The following ACYP2 variants were observed in gnomAD, a reference collection of about 807,000 sequenced individuals.
The protein encoded by ACYP2 is acylphosphatase 2.
A neutral mutation model predicts 11.2 loss-of-function variants in ACYP2; 12 were observed. The observed-to-expected ratio is 1.08, with a 90% CI of 0.69 to 1.74. The LOEUF (loss-of-function observed/expected upper bound fraction) is 1.74, where lower values mean the gene tolerates loss of function less well. ACYP2 is among the 40% of genes most tolerant of loss of function. The pLI is 0.00. For missense variants in ACYP2, 134 were observed against 101.9 expected, an observed-to-expected ratio of 1.31 and a Z score of -1.35; for synonymous variants, 43 against 32.2, an observed-to-expected ratio of 1.33 and a Z score of -1.13.
intron 4 of ACYP2, among the ~76,000 whole-genome samples, chr2:54,063,573 C>T (rs1572675398): frequency 1.3e-5 from 2 of 152,304 alleles, no homozygotes; most frequent in Non-Finnish European, 2.9e-5. Flanking sequence ...ACTCCCCTTT[C>T]CAGCCAGACT....
At chr2:54,055,656 A>T (rs775906711) in intron 3 of ACYP2, among the ~76,000 whole-genome samples, 1 of 152,180 alleles carries the variant, frequency 6.6e-6, no homozygotes, top group Non-Finnish European at 1.5e-5. Context: ...CCTAAATCTA[A>T]CTCTAAAACC....
At chr2:54,079,195 C>T (rs550991551) in intron 4 of ACYP2, among the ~76,000 whole-genome samples, 1 of 152,294 alleles carries the variant, frequency 6.6e-6, no homozygotes, top group Admixed American at 6.5e-5. Flanking sequence ...CATAGAATAT[C>T]TAAGGTGTGC....
At chr2:54,126,786 A>G (rs957271549) in intron 4 of ACYP2, among the ~76,000 whole-genome samples, 4 of 137,354 alleles carry the variant, frequency 2.9e-5, no homozygotes, top group Admixed American at 2.7e-4. Context: ...TGTCTCTACT[A>G]AAAAATGCAA....
chr2:54,154,753 G>T (rs531682209), intron 6 of ACYP2, among the ~76,000 whole-genome samples: 4 of 152,106 alleles, frequency 2.6e-5, no homozygotes, highest in African/African-American at 4.8e-5. Context: ...TAATGTTCTT[G>T]TCTGGCTTTG....
At chr2:54,245,554 T>C (rs1272381851) in intron 6 of ACYP2, among the ~76,000 whole-genome samples, 1 of 152,202 alleles carries the variant, frequency 6.6e-6, no homozygotes, top group South Asian at 2.1e-4. Context: ...ATAATAGCTA[T>C]CCTAACTGGG....
intron 1 of ACYP2, among the ~76,000 whole-genome samples, chr2:53,971,765 T>G (rs1412776667): frequency 2.0e-5 from 3 of 152,218 alleles, no homozygotes; most frequent in Non-Finnish European, 4.4e-5. Flanking sequence ...GATACTTAAT[T>G]TAAGCTATGA....
At chr2:54,269,693 C>T (rs927111601) in intron 6 of ACYP2, among the ~76,000 whole-genome samples, 1 of 152,098 alleles carries the variant, frequency 6.6e-6, no homozygotes, top group Non-Finnish European at 1.5e-5. Context: ...CTTTTTTGCT[C>T]TCATCTCTAT....
intron 6 of ACYP2, among the ~76,000 whole-genome samples, chr2:54,181,842 C>T (rs1024241250): frequency 2.6e-5 from 4 of 151,860 alleles, no homozygotes; most frequent in Non-Finnish European, 5.9e-5. Context: ...GAATTTTTAC[C>T]CCACTGCTAT....
chr2:54,128,523 C>T (rs72906786), intron 4 of ACYP2, among the ~76,000 whole-genome samples: 12,552 of 152,042 alleles, frequency 0.083, 623 homozygotes, highest in African/African-American at 0.14. Flanking sequence ...TAAAACTATC[C>T]AGACGTGGTG....
At chr2:54,078,600 T>G (rs1677474274) in intron 4 of ACYP2, among the ~76,000 whole-genome samples, 1 of 134,804 alleles carries the variant, frequency 7.4e-6, no homozygotes, top group African/African-American at 2.6e-5. Context: ...GACATCTCAA[T>G]AAGCTTTTTT....
At chr2:54,142,025 TG>T in intron 6 of ACYP2, 1 of 341,700 alleles carries the variant, frequency 2.9e-6, no homozygotes, top group Non-Finnish European at 5.0e-6. Context: ...ATTTTGTTGT[TG>T]TTGTTGTTGT....
At chr2:54,092,157 A>C (rs1390077506) in intron 4 of ACYP2, among the ~76,000 whole-genome samples, 1 of 152,174 alleles carries the variant, frequency 6.6e-6, no homozygotes. Context: ...GGAAGGGAAA[A>C]AAATGTCAGT....
intron 6 of ACYP2, among the ~76,000 whole-genome samples, chr2:54,229,298 C>A (rs1686135392): frequency 3.3e-5 from 5 of 152,090 alleles, no homozygotes; most frequent in Admixed American, 2.6e-4. Flanking sequence ...TTAACAGCAC[C>A]CTTTCACATA....
At chr2:54,122,680 A>T (rs972615611) in intron 4 of ACYP2, among the ~76,000 whole-genome samples, 3 of 152,178 alleles carry the variant, frequency 2.0e-5, no homozygotes, top group African/African-American at 7.2e-5. Flanking sequence ...TCATACTAGG[A>T]ATCAGGACTC....
chr2:54,295,669 A>T (rs1689493878), intron 6 of ACYP2, among the ~76,000 whole-genome samples: 1 of 152,152 alleles, frequency 6.6e-6, no homozygotes, highest in Admixed American at 6.5e-5. Context: ...CTATGATTGT[A>T]CATATTTATG....
intron 6 of ACYP2, among the ~76,000 whole-genome samples, chr2:54,250,656 TA>T (rs1687182502): frequency 6.6e-6 from 1 of 152,228 alleles, no homozygotes; most frequent in Non-Finnish European, 1.5e-5. Context: ...GGCGGTAAGT[TA>T]ATCTTTTACA....
chr2:54,077,747 G>C (rs569625757), intron 4 of ACYP2, among the ~76,000 whole-genome samples: 3 of 152,304 alleles, frequency 2.0e-5, no homozygotes, highest in African/African-American at 7.2e-5. Flanking sequence ...GCAAACTAAG[G>C]CACAGAAAGG....
intron 6 of ACYP2, among the ~76,000 whole-genome samples, chr2:54,159,408 A>G (rs1182388917): frequency 1.4e-5 from 2 of 148,076 alleles, no homozygotes; most frequent in East Asian, 3.9e-4. Context: ...GGGTCTGACT[A>G]TGTTGCACAG....
At chr2:53,983,002 T>C (rs1366529657) in intron 2 of ACYP2, among the ~76,000 whole-genome samples, 3 of 152,084 alleles carry the variant, frequency 2.0e-5, no homozygotes, top group Non-Finnish European at 4.4e-5. Flanking sequence ...TGGAGCTCAC[T>C]GGTTAGAGAG....
Sources: gnomAD v4.1 joint callset for allele counts (sites outside exome capture counted in the v4.1 genomes callset) on GRCh38, gnomAD v4.1.1 for gene constraint, MANE v1.5 for transcripts, NCBI Gene and HGNC (gene_info 2026-07-23, HGNC 2026-07-21) for gene names.